Variants in MRE11 observed in about 807,000 individuals in gnomAD.
MRE11 encodes double-strand break repair protein MRE11.
Under a neutral mutation model 91.7 loss-of-function variants are expected in MRE11, and 62 were observed. That is an observed-to-expected ratio of 0.68 (90% confidence interval 0.55 to 0.84). MRE11 has a LOEUF of 0.84. Among genes scored for constraint, MRE11 ranks in the 40% least tolerant of loss-of-function variants. The pLI, the probability that MRE11 is intolerant of heterozygous loss-of-function variation, is 0.00. For missense variants in MRE11, 796 were observed against 852.9 expected (o/e 0.93, Z 0.83); for synonymous variants, 273 against 271.4 (o/e 1.01, Z -0.06).
chr11:94,441,010 A>G (rs562290823), intron 16 of MRE11, among the ~76,000 whole-genome samples: 1 of 152,282 alleles, frequency 6.6e-6, no homozygotes, highest in South Asian at 2.1e-4. Context: ...GGCCACCTTT[A>G]TAGCCTATTT....
chr11:94,471,827 A>G, intron 7 of MRE11, 68 bp from the exon 8 acceptor site: 1 of 1,250,006 alleles, frequency 8.0e-7, no homozygotes, highest in Non-Finnish European at 1.1e-6. Flanking sequence ...AAGTCTATAC[A>G]GATCTTTCTT....
intron 4 of MRE11, among the ~76,000 whole-genome samples, chr11:94,485,359 T>C (rs912158790): frequency 4.6e-5 from 7 of 152,062 alleles, no homozygotes; most frequent in African/African-American, 1.7e-4. Flanking sequence ...ACCAATAGAT[T>C]TAACTACATA....
chr11:94,452,297 T>A (rs10831229), intron 14 of MRE11, among the ~76,000 whole-genome samples: 17,615 of 151,480 alleles, frequency 0.12, 1,122 homozygotes, highest in South Asian at 0.18. Context: ...AAATGATTTA[T>A]AAACATAAAA....
chr11:94,429,941 T>C lies in MRE11; in HGVS notation c.2040A>G (p.Val680=). ...SSSKIMSQSQ[V]SKGVDFESSE... The stretch of plus-strand genomic sequence containing the variant: ...TTGATTCAAAATCAACCCCTTTCGA[T>C]ACTTGACTCTGGGACATGATTTTGC... The change falls in exon 19 of 20, where the codon GTA becomes GTG. Residue 680 remains valine, a synonymous_variant. Transcript: ENST00000323929. 1 of 1,614,024 alleles carries C rather than the reference T, an allele frequency of 6.2e-7. No homozygotes were observed. The highest frequency in any genetic ancestry group is 8.5e-7 in the Non-Finnish European group (1 of 1,179,986).
At chr11:94,462,088 T>C (rs1487994036) in intron 11 of MRE11, among the ~76,000 whole-genome samples, 1 of 151,290 alleles carries the variant, frequency 6.6e-6, no homozygotes, top group African/African-American at 2.4e-5. Flanking sequence ...AAAATGAAAA[T>C]AAAAACAAAA....
chr11:94,494,227 C>T (rs2135155914), upstream of MRE11: 1 of 152,348 alleles, frequency 6.6e-6, no homozygotes, highest in South Asian at 2.1e-4. Context: ...AGGCGGAGCT[C>T]ACGGGCCTGT....
At chr11:94,460,480 T>C (rs981638792) in intron 12 of MRE11, among the ~76,000 whole-genome samples, 2 of 152,190 alleles carry the variant, frequency 1.3e-5, no homozygotes, top group Admixed American at 6.5e-5. Context: ...GTAACAGAGA[T>C]ACAAATAAAG....
intron 19 of MRE11, among the ~76,000 whole-genome samples, chr11:94,424,104 C>T (rs551112177): frequency 5.2e-4 from 79 of 152,138 alleles, no homozygotes; most frequent in Non-Finnish European, 1.1e-3. Context: ...TATGAGTGGT[C>T]ATCTCTCTCC....
In MRE11 at chr11:94,419,312, T is replaced by G. The variant is rs1380823508; in HGVS notation, c.*813A>C. 8.6e-6 allele frequency: 2 copies of G among 232,918 alleles called. No homozygotes were observed. The allele number at this position is 232,918 out of a possible 1,614,324, so 14.4% of individuals were successfully genotyped here. A position where few individuals can be genotyped will look rare whatever the true frequency, so the allele number is the denominator to read the frequency against. On this transcript the variant is annotated 3_prime_UTR_variant, in exon 20 of 20. Coordinates refer to ENST00000323929, the MANE Select transcript of MRE11 (RefSeq NM_005591.4). ...TCTATACTTTACTGTAAGGTTCAAC[T>G]GACCACTCTACCTAAAACAAATTCT...
At chr11:94,497,072 G>A (rs1215463136), upstream of MRE11, 4 of 1,335,820 alleles carry the variant, frequency 3.0e-6, no homozygotes, top group Non-Finnish European at 4.2e-6. Flanking sequence ...GACCAAATGA[G>A]ACAATGTACA....
At chr11:94,460,805 T>G (rs1946393219) in intron 12 of MRE11, 131 bp downstream of exon 12, 2 of 765,516 alleles carry the variant, frequency 2.6e-6, no homozygotes, top group East Asian at 5.4e-5. Context: ...TGTAATTAAT[T>G]GTCACCCTAC....
At chr11:94,503,353 A>G in the MRE11 span, among the ~76,000 whole-genome samples, 5,109 of 152,226 alleles carry the variant, frequency 0.034, 308 homozygotes, top group African/African-American at 0.12. Flanking sequence ...ATGGCACACG[A>G]ACATAGATAA....
chr11:94,441,832 C>G (rs1945785810), intron 16 of MRE11, among the ~76,000 whole-genome samples: 1 of 151,714 alleles, frequency 6.6e-6, no homozygotes. Flanking sequence ...CAAAAATTAG[C>G]CAGGTGTGGT....
chr11:94,492,910 A>G lies in MRE11; in HGVS notation c.-105-4T>C. The G allele has an allele frequency of 9.7e-7, 1 of 1,027,196 alleles. No homozygotes were observed. Among genetic ancestry groups the G allele is most frequent in the Non-Finnish European group, 1.5e-6 (1 of 664,896 alleles). 63.6% of individuals were successfully genotyped at this position (1,027,196 alleles called of 1,614,324 possible). A position where few individuals can be genotyped will look rare whatever the true frequency, so the allele number is the denominator to read the frequency against. On this transcript the variant is annotated splice_region_variant and splice_polypyrimidine_tract_variant and intron_variant, in intron 1 of 19. Transcript: ENST00000323929. ...TCGATTCCAAATTCTAGAAATTCTA[A>G]AAACAAAATTACATCATAAAACACA...
At chr11:94,460,454 C>G (rs1308981488) in intron 12 of MRE11, among the ~76,000 whole-genome samples, 1 of 152,122 alleles carries the variant, frequency 6.6e-6, no homozygotes, top group Non-Finnish European at 1.5e-5. Context: ...AAAACTAAAT[C>G]TGGATTGAGA....
At chr11:94,420,316 T>C (rs531460220) in intron 19 of MRE11, 135 bp from the exon 20 acceptor site, 3 of 655,492 alleles carry the variant, frequency 4.6e-6, no homozygotes, top group South Asian at 1.7e-5. Flanking sequence ...ATTTCCTTTA[T>C]AACTGCAAAA....
chr11:94,461,813 C>G (rs188830284), intron 11 of MRE11, among the ~76,000 whole-genome samples: 1 of 152,186 alleles, frequency 6.6e-6, no homozygotes, highest in Non-Finnish European at 1.5e-5. Flanking sequence ...CGGTGGCTCA[C>G]GCCTGTAATC....
chr11:94,434,833 A>G (rs1945558817), intron 18 of MRE11, among the ~76,000 whole-genome samples: 1 of 152,192 alleles, frequency 6.6e-6, no homozygotes, highest in Non-Finnish European at 1.5e-5. Flanking sequence ...ACTATAATTG[A>G]AGTTACCTGA....
Position 94,478,830 on chromosome 11 carries a change from A to G in MRE11, c.449T>C (p.Val150Ala), listed in dbSNP as rs1946941797. The G allele has an allele frequency of 6.2e-7, 1 of 1,613,814 alleles. No homozygotes were observed. Among genetic ancestry groups the G allele is most frequent in the African/African-American group, 1.3e-5 (1 of 74,944 alleles). The change falls in exon 6 of 20, where the codon GTA becomes GCA. Residue 150 changes from valine to alanine, a missense_variant. By Grantham distance (64) the Val-to-Ala change is moderately conservative. Transcript: ENST00000323929. ...AGACATTGAACGTCCAAAGTGATTT[A>G]CAAATCCAGCACAACTTAAAATGTC... ...ALDILSCAGF[V>A]NHFGRSMSVE...
Sources: allele counts gnomAD v4.1 joint callset (sites outside exome capture counted in the v4.1 genomes callset), GRCh38; gene constraint gnomAD v4.1.1; transcripts MANE v1.5; gene names NCBI Gene and HGNC (gene_info 2026-07-23, HGNC 2026-07-21).